Variants in DAB1 observed in about 807,000 individuals in gnomAD.
The protein encoded by DAB1 is DAB adaptor protein 1.
A neutral mutation model predicts 64.6 loss-of-function variants in DAB1; 15 were observed. The ratio of observed to expected loss-of-function variants is 0.23; its 90% CI spans 0.16 to 0.36. The LOEUF is 0.36. Ranked by LOEUF, DAB1 falls within the 10% of genes least tolerant of loss-of-function variation. DAB1 has a pLI of 1.00. For synonymous variants in DAB1, 235 were observed against 251.9 expected, an observed-to-expected ratio of 0.93 and a Z score of 0.64; for missense variants, 596 against 706.7, an observed-to-expected ratio of 0.84 and a Z score of 1.78.
At position 57,972,055 on chromosome 1, in the gene DAB1, A is replaced by C. The variant is rs540218851; in HGVS notation, n.388-87893T>G. Among the ~76,000 whole-genome samples the C allele has an allele frequency of 2.6e-5, 4 of 152,316 alleles. No individual in the cohort carries two copies. In the South Asian group the frequency reaches 8.3e-4, roughly 32 times the overall value. ...GCAATGCTATGTACATCCAGATGAT[A>C]GTATTTTAAAACTATAAGTAGATAC... On this transcript the variant is annotated intron_variant and non_coding_transcript_variant, in intron 5 of 20. Coordinates refer to the DAB1 transcript ENST00000485760.
intron 4 of DAB1, among the ~76,000 whole-genome samples, chr1:58,291,325 C>T (rs1158154292): frequency 6.6e-6 from 1 of 152,146 alleles, no homozygotes; most frequent in East Asian, 1.9e-4. Context: ...AATAACACAG[C>T]CTTCTCTTCT....
chr1:58,398,623 T>G (rs1202676453), intron 3 of DAB1, among the ~76,000 whole-genome samples: 1 of 152,238 alleles, frequency 6.6e-6, no homozygotes, highest in African/African-American at 2.4e-5. Flanking sequence ...GTTTAATCCT[T>G]CCAACCACTC....
intron 6 of DAB1, among the ~76,000 whole-genome samples, chr1:57,653,084 T>A (rs1646274579): frequency 6.6e-6 from 1 of 152,236 alleles, no homozygotes; most frequent in Non-Finnish European, 1.5e-5. Flanking sequence ...AATATAGACA[T>A]AATTATAACA....
intron 6 of DAB1, among the ~76,000 whole-genome samples, chr1:57,781,122 CTCTCTATATA>C (rs1240927589): frequency 5.2e-4 from 23 of 43,864 alleles, no homozygotes; most frequent in South Asian, 9.3e-4. Flanking sequence ...CTCTCTCTCT[CTCTCTATATA>C]TATATATATA....
intron 7 of DAB1, among the ~76,000 whole-genome samples, chr1:57,538,319 G>T (rs1644755280): frequency 6.6e-6 from 1 of 152,154 alleles, no homozygotes; most frequent in African/African-American, 2.4e-5. Flanking sequence ...CTTCCTGCCA[G>T]AGGGCACAGA....
At chr1:58,279,659 T>A (rs1021884943) in intron 4 of DAB1, among the ~76,000 whole-genome samples, 1 of 152,158 alleles carries the variant, frequency 6.6e-6, no homozygotes, top group Admixed American at 6.5e-5. Flanking sequence ...ACCAAGTCCC[T>A]TCAAGGGAAA....
At chr1:58,392,658 T>C (rs1247940228) in intron 3 of DAB1, among the ~76,000 whole-genome samples, 1 of 152,186 alleles carries the variant, frequency 6.6e-6, no homozygotes, top group Non-Finnish European at 1.5e-5. Context: ...CCTCTCACCA[T>C]CTCAAACGAA....
chr1:57,551,260 G>T (rs186917945), intron 7 of DAB1, among the ~76,000 whole-genome samples: 1 of 152,178 alleles, frequency 6.6e-6, no homozygotes, highest in Non-Finnish European at 1.5e-5. Context: ...CATAAGGATT[G>T]TAGGGAACAT....
At chr1:57,167,996 C>G (rs1327979052) in intron 2 of DAB1, among the ~76,000 whole-genome samples, 5 of 152,150 alleles carry the variant, frequency 3.3e-5, no homozygotes, top group African/African-American at 1.2e-4. Context: ...TTGATTTCTT[C>G]TTTTCCTTAA....
At chr1:57,145,851 A>C (rs1048862360) in intron 2 of DAB1, among the ~76,000 whole-genome samples, 15 of 152,216 alleles carry the variant, frequency 9.9e-5, no homozygotes, top group Admixed American at 4.6e-4. Flanking sequence ...CATTGCCAAC[A>C]TTCAATAATA....
chr1:57,728,981 CG>C (rs759984645), intron 6 of DAB1, among the ~76,000 whole-genome samples: 1 of 152,104 alleles, frequency 6.6e-6, no homozygotes, highest in Non-Finnish European at 1.5e-5. Context: ...ATGCTTATGT[CG>C]ACTTTGTAGG....
chr1:57,044,211 G>A (rs968358959), intron 9 of DAB1, among the ~76,000 whole-genome samples: 1 of 152,212 alleles, frequency 6.6e-6, no homozygotes, highest in Non-Finnish European at 1.5e-5. Flanking sequence ...AGCACTCACT[G>A]CTCTGTTTGT....
chr1:57,630,358 A>ACT (rs1338934669), intron 7 of DAB1, among the ~76,000 whole-genome samples: 1 of 152,120 alleles, frequency 6.6e-6, no homozygotes, highest in Non-Finnish European at 1.5e-5. Context: ...AAATGTTATA[A>ACT]CTTGCTGCAA....
chr1:57,889,762 T>A (rs1000460654), intron 5 of DAB1, among the ~76,000 whole-genome samples: 5 of 151,786 alleles, frequency 3.3e-5, no homozygotes, highest in African/African-American at 1.2e-4. Flanking sequence ...TATATTGGAG[T>A]CCCCTGGGGA....
At chr1:58,251,079 C>A (rs6587805) in intron 4 of DAB1, among the ~76,000 whole-genome samples, 81,940 of 152,098 alleles carry the variant, frequency 0.54, 23,107 homozygotes, top group East Asian at 0.72. Context: ...TCTTCATCTA[C>A]AAAATGGGAA....
intron 2 of DAB1, among the ~76,000 whole-genome samples, chr1:57,154,698 A>G (rs1660043463): frequency 6.6e-6 from 1 of 152,194 alleles, no homozygotes. Flanking sequence ...CATCTTTGTC[A>G]GCATTTGTTA....
At chr1:57,210,358 A>G (rs1665906822) in intron 2 of DAB1, among the ~76,000 whole-genome samples, 2 of 152,226 alleles carry the variant, frequency 1.3e-5, no homozygotes, top group African/African-American at 2.4e-5. Flanking sequence ...TATAATTCTT[A>G]AAAATAAAAT....
chr1:57,553,422 G>GAAAAAGAAAGAAAGAA (rs1452780502), intron 7 of DAB1, among the ~76,000 whole-genome samples: 3 of 18,344 alleles, frequency 1.6e-4, no homozygotes, highest in East Asian at 4.0e-3. Flanking sequence ...AAGAAAGAAA[G>GAAAAAGAAAGAAAGAA]AAAGAAAGAA....
rs542657122 is a variant in DAB1 at position 57,065,047 on chromosome 1, C to T, written c.664-2104G>A. On this transcript the variant is annotated intron_variant, in intron 8 of 14. Coordinates refer to ENST00000371236, the MANE Select transcript of DAB1 (RefSeq NM_001365792.1). ...CTACGGGCACTTAGCACAGTTGAAC[C>T]GCAGCTGCCTCTCAATTATCCCTAA... Among the ~76,000 whole-genome samples, 30 of 152,210 alleles carry T rather than the reference C, an allele frequency of 2.0e-4. 1 individual carries two copies. The highest frequency in any genetic ancestry group is 8.3e-4 in the South Asian group (4 of 4,814).
Sources: gnomAD v4.1 joint callset for allele counts (sites outside exome capture counted in the v4.1 genomes callset) on GRCh38, gnomAD v4.1.1 for gene constraint, MANE v1.5 for transcripts, NCBI Gene and HGNC (gene_info 2026-07-23, HGNC 2026-07-21) for gene names.